ALDH18A1: variants seen among roughly 807,000 people sequenced by gnomAD.
ALDH18A1 encodes the protein aldehyde dehydrogenase 18 family member A1.
In ALDH18A1, 44 loss-of-function variants were observed where a neutral mutation model predicts 88.8. The observed-to-expected ratio is 0.50, with a 90% CI of 0.39 to 0.64. The LOEUF (loss-of-function observed/expected upper bound fraction) is 0.64. Ranked by LOEUF, ALDH18A1 falls within the 30% of genes least tolerant of loss-of-function variation. The pLI, the probability that ALDH18A1 is intolerant of heterozygous loss-of-function variation, is 0.00. For missense variants in ALDH18A1, 782 were observed against 1,009.5 expected (o/e 0.77, Z 3.05); for synonymous variants, 331 against 372.1 (o/e 0.89, Z 1.27).
chr10:95,613,627 G>C, intron 15 of ALDH18A1, 115 bp downstream of exon 15: 1 of 1,375,570 alleles, frequency 7.3e-7, no homozygotes, highest in South Asian at 1.2e-5. Flanking sequence ...TTTGTACACA[G>C]AAGATATTAA....
Position 95,637,365 on chromosome 10 carries a change from T to C in ALDH18A1, c.375A>G (p.Gln125=), listed in dbSNP as rs2097882782. 1 of 1,614,140 alleles carries C rather than the reference T, an allele frequency of 6.2e-7. No homozygotes were observed. Among genetic ancestry groups the C allele is most frequent in the Non-Finnish European group, 8.5e-7 (1 of 1,180,018 alleles). ...VTSGAVAFGK[Q]RLRHEILLSQ... is the part of the protein sequence containing the mutation. ...ACAGAAGGATCTCATGGCGCAAGCG[T>C]TGTTTGCCAAAGGCTACGGCTCCAC... is the stretch of plus-strand genomic sequence containing the variant. The change falls in exon 4 of 18, where the codon CAA becomes CAG. Residue 125 remains glutamine, a synonymous_variant. Coordinates refer to ENST00000371224, the MANE Select transcript of ALDH18A1 (RefSeq NM_002860.4).
At chr10:95,617,692 C>T (rs578251978) in intron 12 of ALDH18A1, among the ~76,000 whole-genome samples, 16 of 152,320 alleles carry the variant, frequency 1.1e-4, no homozygotes, top group African/African-American at 3.8e-4. Context: ...TTTTAGGATT[C>T]ATGGATTCTG....
At chr10:95,610,971 T>C (rs2097833021) in intron 16 of ALDH18A1, among the ~76,000 whole-genome samples, 1 of 152,200 alleles carries the variant, frequency 6.6e-6, no homozygotes, top group East Asian at 1.9e-4. Context: ...TGGGTTTATT[T>C]TAACTACCTT....
intron 7 of ALDH18A1, among the ~76,000 whole-genome samples, chr10:95,632,554 G>A (rs561486710): frequency 6.6e-6 from 1 of 152,228 alleles, no homozygotes; most frequent in African/African-American, 2.4e-5. Context: ...TGTAGAAACA[G>A]GGACTCACTA....
At chr10:95,611,227 C>T in intron 16 of ALDH18A1, 29 bp downstream of exon 16, 2 of 1,613,062 alleles carry the variant, frequency 1.2e-6, no homozygotes, top group South Asian at 2.2e-5. Context: ...AAGGCAGACA[C>T]TGTATGCGGG....
chr10:95,618,498 T>C (rs1339831555), intron 12 of ALDH18A1, among the ~76,000 whole-genome samples: 2 of 152,134 alleles, frequency 1.3e-5, no homozygotes, highest in African/African-American at 4.8e-5. Context: ...TATTTTTTAG[T>C]AGAGACAAGG....
intron 11 of ALDH18A1, among the ~76,000 whole-genome samples, chr10:95,623,612 C>A (rs139534161): frequency 6.6e-6 from 1 of 151,948 alleles, no homozygotes; most frequent in Non-Finnish European, 1.5e-5. Context: ...GTTGTCCAGA[C>A]TGGAGTGCAG....
chr10:95,648,487 T>C (rs2097904813), intron 2 of ALDH18A1, among the ~76,000 whole-genome samples: 1 of 152,152 alleles, frequency 6.6e-6, no homozygotes, highest in Admixed American at 6.5e-5. Flanking sequence ...TTTACCAGCA[T>C]TGCCAGATTA....
chr10:95,647,486 A>G (rs1205798226), intron 2 of ALDH18A1, among the ~76,000 whole-genome samples: 1 of 152,254 alleles, frequency 6.6e-6, no homozygotes, highest in Non-Finnish European at 1.5e-5. Flanking sequence ...ATATATATCC[A>G]TGGTCCCTGG....
intron 10 of ALDH18A1, 50 bp downstream of exon 10, chr10:95,626,653 G>C: frequency 6.4e-7 from 1 of 1,574,330 alleles, no homozygotes; most frequent in Non-Finnish European, 8.7e-7. Flanking sequence ...TAACTACACA[G>C]CATGACTCAC....
At chr10:95,628,176 C>A (rs1319526139) in intron 8 of ALDH18A1, among the ~76,000 whole-genome samples, 192 bp downstream of exon 8, 1 of 152,156 alleles carries the variant, frequency 6.6e-6, no homozygotes, top group Non-Finnish European at 1.5e-5. Context: ...AATGAGAAAA[C>A]CCACATACAC....
At chr10:95,648,059 G>A (rs963246967) in intron 2 of ALDH18A1, among the ~76,000 whole-genome samples, 2 of 152,152 alleles carry the variant, frequency 1.3e-5, no homozygotes, top group Non-Finnish European at 2.9e-5. Context: ...AGGGTACTGT[G>A]GGAACCCCAA....
rs113264963 is a variant in ALDH18A1 at position 95,624,874 on chromosome 10, A to G, written c.1246+488T>C. Among the ~76,000 whole-genome samples the G allele has an allele frequency of 9.8e-3, 1,495 of 152,322 alleles. 18 individuals carry two copies. The highest frequency in any genetic ancestry group is 0.014 in the Non-Finnish European group (925 of 68,018). ...TCCATCTGTGTTTAAATCCTGGTCC[A>G]TCACTGACCATGTGGATTTGGGCAA... On this transcript the variant is annotated intron_variant, in intron 11 of 17. Transcript: ENST00000371224.
At chr10:95,622,560 C>T (rs1022888728) in intron 11 of ALDH18A1, among the ~76,000 whole-genome samples, 1 of 151,878 alleles carries the variant, frequency 6.6e-6, no homozygotes, top group Non-Finnish European at 1.5e-5. Context: ...TTTTTTGAGA[C>T]GGAGTCTCGC....
chr10:95,627,410 C>CATA, intron 9 of ALDH18A1, 32 bp downstream of exon 9: 1 of 1,613,812 alleles, frequency 6.2e-7, no homozygotes, highest in Non-Finnish European at 8.5e-7. Flanking sequence ...GTTCCCATCA[C>CATA]AGGCCTTGGG....
intron 2 of ALDH18A1, among the ~76,000 whole-genome samples, chr10:95,643,586 T>C (rs144228867): frequency 0.012 from 1,834 of 152,310 alleles, 33 homozygotes; most frequent in African/African-American, 0.041. Flanking sequence ...AGAGTAAATG[T>C]TGGATAAAGG....
chr10:95,613,653 A>T (rs2097839605), intron 15 of ALDH18A1, 89 bp downstream of exon 15: 1 of 1,526,192 alleles, frequency 6.6e-7, no homozygotes, highest in South Asian at 1.1e-5. Context: ...ATTGTTTCTT[A>T]AACTGCCTTA....
At chr10:95,642,427 A>G (rs559891658) in intron 3 of ALDH18A1, among the ~76,000 whole-genome samples, 4 of 152,290 alleles carry the variant, frequency 2.6e-5, no homozygotes, top group Admixed American at 6.5e-5. Flanking sequence ...CAGCCTGAGC[A>G]ACATAGCAAG....
chr10:95,621,282 T>C (rs1460349154), intron 11 of ALDH18A1, 31 bp from the exon 12 acceptor site: 2 of 1,579,730 alleles, frequency 1.3e-6, no homozygotes, highest in Non-Finnish European at 1.7e-6. Context: ...TATGATAAAG[T>C]AGCAGACCTG....
Sources: allele counts gnomAD v4.1 joint callset (sites outside exome capture counted in the v4.1 genomes callset), GRCh38; gene constraint gnomAD v4.1.1; transcripts MANE v1.5; gene names NCBI Gene and HGNC (gene_info 2026-07-23, HGNC 2026-07-21).